The following EIPR1 variants were observed in gnomAD, a reference collection of about 807,000 sequenced individuals.
The protein encoded by EIPR1 is EARP and GARP complex-interacting protein 1.
In EIPR1, 25 loss-of-function variants were observed where a neutral mutation model predicts 48.1. That is an observed-to-expected ratio of 0.52 (90% CI 0.38 to 0.73). The LOEUF is 0.73. Ranked by LOEUF, EIPR1 falls within the 30% of genes least tolerant of loss-of-function variation. The pLI, the probability that EIPR1 is intolerant of heterozygous loss-of-function variation, is 0.00. For synonymous variants in EIPR1, 204 were observed against 201.9 expected (o/e 1.01, Z -0.09); for missense variants, 415 against 506.2 (o/e 0.82, Z 1.73).
intron 5 of EIPR1, among the ~76,000 whole-genome samples, chr2:3,204,970 CT>C (rs1396522191): frequency 6.6e-6 from 1 of 152,222 alleles, no homozygotes; most frequent in African/African-American, 2.4e-5. Flanking sequence ...ACAGCAGACC[CT>C]ACTACATGCA....
chr2:3,248,180 T>A (rs571739989), intron 4 of EIPR1, among the ~76,000 whole-genome samples: 1 of 152,220 alleles, frequency 6.6e-6, no homozygotes, highest in African/African-American at 2.4e-5. Context: ...GGGTGTGGTG[T>A]CTCACGCCTG....
At chr2:3,377,535 G>A in intron 1 of EIPR1, 113 bp downstream of exon 1, 1 of 1,357,242 alleles carries the variant, frequency 7.4e-7, no homozygotes, top group Non-Finnish European at 1.0e-6. Flanking sequence ...CTAGGGAACA[G>A]ACACGGGTCC....
intron 3 of EIPR1, among the ~76,000 whole-genome samples, chr2:3,336,589 G>A (rs1176298446): frequency 6.6e-6 from 1 of 152,110 alleles, no homozygotes; most frequent in Non-Finnish European, 1.5e-5. Flanking sequence ...CCAACATGGT[G>A]AAACCCCATC....
In EIPR1 at chr2:3,354,531, A is replaced by T; in HGVS notation, c.126+19T>A. On this transcript the variant is annotated intron_variant, in intron 2 of 8. Coordinates refer to ENST00000382125, the MANE Select transcript of EIPR1 (RefSeq NM_003310.5). ...TAGGCTTAGTAATTATCATGTATAC[A>T]TTTGTCAAAAATAGTTACCTGATTA... 6.2e-7 allele frequency: 1 copy of T among 1,610,404 alleles called. No individual in the cohort carries two copies. Among genetic ancestry groups the T allele is most frequent in the Non-Finnish European group, 8.5e-7 (1 of 1,176,828 alleles).
chr2:3,303,859 G>A (rs1276223439), intron 3 of EIPR1, among the ~76,000 whole-genome samples: 1 of 152,180 alleles, frequency 6.6e-6, no homozygotes, highest in African/African-American at 2.4e-5. Context: ...AGCCATAACA[G>A]ACAGAGTATA....
chr2:3,226,003 T>C (rs1666053241), intron 4 of EIPR1, among the ~76,000 whole-genome samples: 2 of 152,252 alleles, frequency 1.3e-5, no homozygotes, highest in African/African-American at 2.4e-5. Flanking sequence ...TTCCACTCTA[T>C]ATGTATCTAC....
intron 4 of EIPR1, among the ~76,000 whole-genome samples, chr2:3,237,342 T>C (rs1018281843): frequency 1.3e-5 from 2 of 151,494 alleles, no homozygotes; most frequent in Non-Finnish European, 2.9e-5. Flanking sequence ...TCAGCCACAG[T>C]CTAAAAATAG....
chr2:3,294,945 T>TAC (rs58247860), intron 3 of EIPR1, among the ~76,000 whole-genome samples: 2,819 of 66,264 alleles, frequency 0.043, 303 homozygotes, highest in Non-Finnish European at 0.059. Flanking sequence ...CCATCCTCTC[T>TAC]ACACACACAC....
chr2:3,311,840 G>A (rs1439400792), intron 3 of EIPR1, among the ~76,000 whole-genome samples: 1 of 152,092 alleles, frequency 6.6e-6, no homozygotes, highest in Admixed American at 6.6e-5. Flanking sequence ...CACCAGAGGT[G>A]GGAGGGGAGC....
intron 8 of EIPR1, among the ~76,000 whole-genome samples, chr2:3,190,999 TGA>T (rs1664586468): frequency 6.6e-6 from 1 of 152,064 alleles, no homozygotes; most frequent in Non-Finnish European, 1.5e-5. Flanking sequence ...GAGGCTGAGG[TGA>T]GAGGATCACC....
At chr2:3,258,488 T>A (rs1026382912) in intron 3 of EIPR1, among the ~76,000 whole-genome samples, 1 of 132,238 alleles carries the variant, frequency 7.6e-6, no homozygotes, top group African/African-American at 2.8e-5. Flanking sequence ...AAATATTATA[T>A]ATTGCGTTAG....
rs189842227 is a variant in EIPR1 at position 3,251,646 on chromosome 2, C to T, written c.416+5653G>A. Among the ~76,000 whole-genome samples, 358 of 152,296 alleles carry T rather than the reference C, an allele frequency of 2.4e-3. 2 individuals carry two copies. Among genetic ancestry groups the T allele is most frequent in the Non-Finnish European group, 4.1e-3 (278 of 68,030 alleles). ...CACTATAGCTGACGAAGAAGCAAAC[C>T]AGAGGTAGAGAGGGGAAAGCAGGTT... On this transcript the variant is annotated intron_variant, in intron 4 of 8. Coordinates refer to ENST00000382125, the MANE Select transcript of EIPR1 (RefSeq NM_003310.5).
chr2:3,371,256 C>A (rs1252422625), intron 1 of EIPR1, among the ~76,000 whole-genome samples: 1 of 152,168 alleles, frequency 6.6e-6, no homozygotes, highest in South Asian at 2.1e-4. Context: ...CATGGAAAGG[C>A]ATAACCGTAC....
chr2:3,368,085 T>C (rs538171220), intron 1 of EIPR1, among the ~76,000 whole-genome samples: 4 of 152,182 alleles, frequency 2.6e-5, no homozygotes, highest in Admixed American at 6.5e-5. Context: ...CCATCTTCCA[T>C]TTCAAAAGTC....
At chr2:3,239,873 T>C (rs1666538562) in intron 4 of EIPR1, among the ~76,000 whole-genome samples, 1 of 152,254 alleles carries the variant, frequency 6.6e-6, no homozygotes, top group Non-Finnish European at 1.5e-5. Context: ...TATTCACATA[T>C]GAAGCTTCAA....
At chr2:3,258,312 T>C (rs1667226998) in intron 3 of EIPR1, among the ~76,000 whole-genome samples, 1 of 152,086 alleles carries the variant, frequency 6.6e-6, no homozygotes, top group Non-Finnish European at 1.5e-5. Context: ...GATTTAACAT[T>C]GAATTCTTGA....
chr2:3,318,907 A>G lies in EIPR1; in HGVS notation c.259+19110T>C, dbSNP rs577118367. On this transcript the variant is annotated intron_variant, in intron 3 of 8. Transcript: ENST00000382125. ...CTGGTGCAACGTGTTTACAAAGACAATCGTGGGACTCTGAGCTACAGGAAG... is the reference window on the plus strand; with the variant it reads ...CTGGTGCAACGTGTTTACAAAGACAGTCGTGGGACTCTGAGCTACAGGAAG... 14 of 471,430 alleles carry G rather than the reference A, an allele frequency of 3.0e-5. 1 individual carries two copies. Among genetic ancestry groups the G allele is most frequent in the African/African-American group, 8.0e-5 (4 of 50,182 alleles). The allele number at this position is 471,430 out of a possible 1,614,324, so 29.2% of individuals were successfully genotyped here. A position where few individuals can be genotyped will look rare whatever the true frequency, so the allele number is the denominator to read the frequency against.
At chr2:3,269,135 C>A (rs1265366050) in intron 3 of EIPR1, among the ~76,000 whole-genome samples, 1 of 152,194 alleles carries the variant, frequency 6.6e-6, no homozygotes, top group African/African-American at 2.4e-5. Context: ...CACTGCACAT[C>A]CAAAAATGCG....
At chr2:3,336,466 T>A (rs528142855) in intron 3 of EIPR1, among the ~76,000 whole-genome samples, 4 of 152,028 alleles carry the variant, frequency 2.6e-5, no homozygotes, top group African/African-American at 9.7e-5. Context: ...GGGGCAGCTG[T>A]GAAGTTAAAG....
Sources: gnomAD v4.1 joint callset for allele counts (sites outside exome capture counted in the v4.1 genomes callset) on GRCh38, gnomAD v4.1.1 for gene constraint, MANE v1.5 for transcripts, NCBI Gene and HGNC (gene_info 2026-07-23, HGNC 2026-07-21) for gene names.